The following TAF5L variants were observed in gnomAD, a reference collection of about 807,000 sequenced individuals.
TAF5L encodes TAF5-like RNA polymerase II p300/CBP-associated factor-associated factor 65 kDa subunit 5L.
Under a neutral mutation model 51.3 loss-of-function variants are expected in TAF5L, and 7 were observed. The ratio of observed to expected loss-of-function variants is 0.14; its 90% confidence interval spans 0.08 to 0.26. The LOEUF is 0.26. Ranked by LOEUF, TAF5L falls within the 10% of genes least tolerant of loss-of-function variation. TAF5L has a pLI of 1.00. For synonymous variants in TAF5L, 291 were observed against 308.1 expected, an observed-to-expected ratio of 0.94 and a Z score of 0.58; for missense variants, 575 against 758.9, an observed-to-expected ratio of 0.76 and a Z score of 2.85.
chr1:229,601,644 C>T (rs1664377311), intron 4 of TAF5L: 9 of 986,846 alleles, frequency 9.1e-6, no homozygotes, highest in African/African-American at 1.7e-5. Context: ...GGGAACACCC[C>T]GGGGTACATG....
chr1:229,601,898 C>A (rs1447493996), intron 4 of TAF5L: 3 of 1,151,202 alleles, frequency 2.6e-6, no homozygotes, highest in East Asian at 1.1e-4. Context: ...CAAATCTCAG[C>A]TAAAGTCAAT....
Position 229,602,994 on chromosome 1 carries a change from C to G in TAF5L, c.248-75G>C, listed in dbSNP as rs528334239. On this transcript the variant is annotated intron_variant, in intron 3 of 4. Transcript: ENST00000258281. This position sits in a 1 kb window ranked among gnomAD's most constrained non-coding sequence, Gnocchi z 4.6. ...TAACGTGATCCCTCCTGGGGATCAC[C>G]ACCATCATATAATGCTTTCTTGCCA... The G allele has an allele frequency of 1.3e-6, 2 of 1,487,132 alleles. No homozygotes were observed. The highest frequency in any genetic ancestry group is 1.8e-6 in the Non-Finnish European group (2 of 1,128,618). 92.1% of individuals were successfully genotyped at this position (1,487,132 alleles called of 1,614,324 possible). A position where few individuals can be genotyped will look rare whatever the true frequency, so the allele number is the denominator to read the frequency against.
intron 1 of TAF5L, among the ~76,000 whole-genome samples, chr1:229,620,471 C>T (rs1403493170): frequency 6.6e-6 from 1 of 152,196 alleles, no homozygotes; most frequent in Non-Finnish European, 1.5e-5. Context: ...GATGTTACAA[C>T]CAAGCCTAAA....
chr1:229,603,551 T>C (rs917646340), intron 3 of TAF5L, among the ~76,000 whole-genome samples: 12 of 152,248 alleles, frequency 7.9e-5, no homozygotes, highest in African/African-American at 2.9e-4. Context: ...TGTCCTGTGT[T>C]AACATGACAG....
At chr1:229,618,017 T>C (rs1192380268) in intron 1 of TAF5L, among the ~76,000 whole-genome samples, 2 of 152,180 alleles carry the variant, frequency 1.3e-5, no homozygotes, top group Non-Finnish European at 2.9e-5. Context: ...CAGCTGGGTT[T>C]TATTCCAATG....
exon 2 of TAF5L, chr1:229,614,456 A>C: frequency 1.2e-6 from 2 of 1,614,166 alleles, no homozygotes; most frequent in Non-Finnish European, 1.7e-6. Context: ...CTGCCATCTG[A>C]ATCTGCTCGG....
At position 229,594,704 on chromosome 1, in the gene TAF5L, C is replaced by T. The variant is rs569704813; in HGVS notation, c.1363G>A (p.Ala455Thr). 6 of 1,614,188 alleles carry T rather than the reference C, an allele frequency of 3.7e-6. No individual in the cohort carries two copies. Among genetic ancestry groups the T allele is most frequent in the African/African-American group, 1.3e-5 (1 of 75,052 alleles). ...AGCCTCACCGAGTTCCCCTGCTGAG[C>T]GCTCCACAGCCGGACGGTCTTGTCG... The change falls in exon 5 of 5, where the codon GCT becomes ACT. Residue 455 changes from alanine (A) to threonine (T), a missense_variant. By Grantham distance (58) the Ala-to-Thr change is moderately conservative. Coordinates refer to ENST00000258281, the Ensembl canonical transcript of TAF5L. This position sits in a 1 kb window ranked among gnomAD's most constrained non-coding sequence, Gnocchi z 7.9.
chr1:229,605,128 A>ATATATATATATATATATTT (rs1340196774), intron 3 of TAF5L, among the ~76,000 whole-genome samples: 12 of 145,166 alleles, frequency 8.3e-5, no homozygotes, highest in African/African-American at 3.1e-4. Flanking sequence ...ATATATATGT[A>ATATATATATATATATATTT]TTTTTTTTTT....
intron 4 of TAF5L, among the ~76,000 whole-genome samples, chr1:229,597,830 G>T (rs1168906020): frequency 6.6e-6 from 1 of 152,212 alleles, no homozygotes; most frequent in African/African-American, 2.4e-5. Context: ...GCTGTAGTTT[G>T]CTGCCCCTGC....
intron 4 of TAF5L, among the ~76,000 whole-genome samples, chr1:229,595,696 G>A (rs1310813288): frequency 6.6e-6 from 1 of 151,770 alleles, no homozygotes; most frequent in African/African-American, 2.4e-5. Flanking sequence ...ATGGAGTTTC[G>A]CTCTTGTTGC....
At chr1:229,603,237 A>G (rs1379621588) in intron 3 of TAF5L, among the ~76,000 whole-genome samples, 1 of 152,226 alleles carries the variant, frequency 6.6e-6, no homozygotes, top group African/African-American at 2.4e-5. Flanking sequence ...TTCAAGATTT[A>G]GTATTTTTTC....
exon 3 of TAF5L, chr1:229,610,192 C>T: frequency 6.2e-7 from 1 of 1,614,142 alleles, no homozygotes; most frequent in Non-Finnish European, 8.5e-7. Flanking sequence ...TATGTTGGCA[C>T]AACCAGATTC....
chr1:229,606,938 T>G (rs1418773199), intron 3 of TAF5L: 14 of 985,330 alleles, frequency 1.4e-5, no homozygotes, highest in Non-Finnish European at 1.6e-5. Flanking sequence ...CTTTCCCTAG[T>G]ATCTTCCTTT....
chr1:229,613,234 G>C (rs1347556320), intron 2 of TAF5L, among the ~76,000 whole-genome samples: 1 of 149,806 alleles, frequency 6.7e-6, no homozygotes, highest in African/African-American at 2.5e-5. Context: ...GGTAGGCTGA[G>C]ATGGAGGATC....
At chr1:229,612,899 A>G (rs931552495) in intron 2 of TAF5L, among the ~76,000 whole-genome samples, 1 of 152,196 alleles carries the variant, frequency 6.6e-6, no homozygotes, top group African/African-American at 2.4e-5. Flanking sequence ...AAGAAAGGGA[A>G]CCAGGGCTGA....
intron 1 of TAF5L, among the ~76,000 whole-genome samples, chr1:229,618,692 A>G (rs1347565267): frequency 6.6e-6 from 1 of 152,222 alleles, no homozygotes; most frequent in East Asian, 1.9e-4. Flanking sequence ...AGATGCTGTC[A>G]GTGTGGAACT....
chr1:229,594,389 T>C lies in TAF5L; in HGVS notation c.1678A>G (p.Thr560Ala). Reference sequence around the variant, plus strand: ...CTCAGGACGTTGCTCATCTGCCCGGTGTACACGCCCACGAGCTCGCTGGAG... The same window carrying C: ...CTCAGGACGTTGCTCATCTGCCCGGCGTACACGCCCACGAGCTCGCTGGAG... Residue 560 changes from threonine (T) to alanine (A), a missense_variant, in exon 5 of 5, where the codon ACC (threonine) becomes GCC (alanine). Thr to Ala is a moderately conservative substitution (Grantham distance 58). Coordinates refer to ENST00000258281, the Ensembl canonical transcript of TAF5L. The surrounding 1 kb of genome is among the most constrained non-coding windows in gnomAD (Gnocchi z 7.9). 1.9e-6 allele frequency: 3 copies of C among 1,614,160 alleles called. No individual in the cohort carries two copies. Among genetic ancestry groups the C allele is most frequent in the Non-Finnish European group, 2.5e-6 (3 of 1,180,024 alleles).
At chr1:229,610,185 G>T (rs775676908) in exon 3 of TAF5L, 1 of 1,614,178 alleles carries the variant, frequency 6.2e-7, no homozygotes, top group South Asian at 1.1e-5. Flanking sequence ...CAGACACTAT[G>T]TTGGCACAAC....
intron 4 of TAF5L, among the ~76,000 whole-genome samples, chr1:229,596,054 A>G (rs1399932481): frequency 6.6e-6 from 1 of 152,206 alleles, no homozygotes; most frequent in Non-Finnish European, 1.5e-5. Flanking sequence ...CAGGAGGATC[A>G]CTGGAGCTAA....
Sources: allele counts gnomAD v4.1 joint callset (sites outside exome capture counted in the v4.1 genomes callset), GRCh38; gene constraint gnomAD v4.1.1; non-coding constraint Gnocchi (gnomAD v3.1); transcripts MANE v1.5; gene names NCBI Gene and HGNC (gene_info 2026-07-23, HGNC 2026-07-21).